SMC6: variants seen among roughly 807,000 people sequenced by gnomAD.
SMC6 encodes structural maintenance of chromosomes 6.
In SMC6, 79 loss-of-function variants were observed where a neutral mutation model predicts 142.2. That is an observed-to-expected ratio of 0.56 (90% CI 0.46 to 0.67). The LOEUF (loss-of-function observed/expected upper bound fraction) is 0.67, where lower values mean the gene tolerates loss of function less well. Ranked by LOEUF, SMC6 falls within the 30% of genes least tolerant of loss-of-function variation. The probability of loss-of-function intolerance (pLI) is 0.00; values close to 1 mark genes in which losing one functional copy is unlikely to be tolerated. For synonymous variants in SMC6, 411 were observed against 412.4 expected (o/e 1.00, Z 0.04); for missense variants, 1,072 against 1,284.0 (o/e 0.83, Z 2.52).
chr2:17,678,997 A>C (rs971266516), intron 24 of SMC6, 33 bp from the exon 25 acceptor site: 13 of 1,472,460 alleles, frequency 8.8e-6, no homozygotes, highest in African/African-American at 2.8e-5. Context: ...CATTAAAAAG[A>C]GGGCAAAGGT....
At chr2:17,670,971 C>T (rs1298002124) in intron 25 of SMC6, among the ~76,000 whole-genome samples, 1 of 152,004 alleles carries the variant, frequency 6.6e-6, no homozygotes, top group African/African-American at 2.4e-5. Flanking sequence ...AAGCAATCCT[C>T]CCACCTCAGC....
rs547634174 is a variant in SMC6 at position 17,752,198 on chromosome 2, C to T, written c.-6+780G>A. On this transcript the variant is annotated intron_variant, in intron 2 of 27. Transcript: ENST00000448223. ...CTCTCTCTCACTCAGATACCAAAAT[C>T]CACAGATGCTCAAGTCCCTTATATG... Among the ~76,000 whole-genome samples the T allele has an allele frequency of 9.9e-5, 15 of 152,270 alleles. No homozygotes were observed. In the South Asian group the frequency reaches 3.1e-3, roughly 32 times the overall value.
chr2:17,696,611 AT>A (rs200146627), intron 21 of SMC6, among the ~76,000 whole-genome samples, 185 bp from the exon 22 acceptor site: 1,984 of 152,306 alleles, frequency 0.013, 22 homozygotes, highest in East Asian at 0.031. Flanking sequence ...TTAAATTCAA[AT>A]TCTTATCTGA....
At chr2:17,695,518 T>C (rs1572280230) in intron 22 of SMC6, among the ~76,000 whole-genome samples, 1 of 152,030 alleles carries the variant, frequency 6.6e-6, no homozygotes, top group East Asian at 1.9e-4. Context: ...TGTGTGTAAC[T>C]AATAAGGTGC....
At chr2:17,714,006 TA>T (rs1457550129) in intron 16 of SMC6, among the ~76,000 whole-genome samples, 6 of 152,216 alleles carry the variant, frequency 3.9e-5, no homozygotes, top group Admixed American at 3.9e-4. Context: ...AAAGAAGGTT[TA>T]TTTTAAAAAG....
rs1365951713 is a variant in SMC6 at position 17,714,911 on chromosome 2, T to G, written c.1680A>C (p.Pro560=). ...TCCGAAACTCAGAAACTATTATCGG[T>G]GGCCGTGAGGTCCCTGGTAAATAAA... ...KRFYLPGTSR[P]PIIVSEFRNE... Residue 560 remains proline (P), a synonymous_variant, in exon 16 of 28, where the codon CCA becomes CCC. Coordinates refer to ENST00000448223, the MANE Select transcript of SMC6 (RefSeq NM_001142286.2). 1 of 1,613,502 alleles carries G rather than the reference T, an allele frequency of 6.2e-7. No individual in the cohort carries two copies. Among genetic ancestry groups the G allele is most frequent in the Admixed American group, 1.7e-5 (1 of 59,774 alleles).
rs773964255 is a variant in SMC6 at position 17,664,456 on chromosome 2, T to C, written c.*1043A>G. 2.6e-5 allele frequency: 4 copies of C among 152,232 alleles called. No homozygotes were observed. The highest frequency in any genetic ancestry group is 5.9e-5 in the Non-Finnish European group (4 of 68,048). 9.4% of individuals were successfully genotyped at this position (152,232 alleles called of 1,614,324 possible). ...GTTCAATTTCATATTTATTCTAATA[T>C]TTATTGCTACTAATGTAAGGAATGC... On this transcript the variant is annotated 3_prime_UTR_variant, in exon 28 of 28. Coordinates refer to ENST00000448223, the MANE Select transcript of SMC6 (RefSeq NM_001142286.2).
At chr2:17,715,101 A>T in intron 15 of SMC6, 36 bp from the exon 16 acceptor site, 1 of 1,586,350 alleles carries the variant, frequency 6.3e-7, no homozygotes, top group Non-Finnish European at 8.6e-7. Flanking sequence ...GGGCTCATAA[A>T]TACTTATTTT....
At chr2:17,666,243 A>G (rs541518065) in intron 27 of SMC6, among the ~76,000 whole-genome samples, 177 bp downstream of exon 27, 8 of 152,370 alleles carry the variant, frequency 5.3e-5, no homozygotes, top group African/African-American at 1.7e-4. Context: ...TAATACAAGT[A>G]AAATTTTAAA....
At chr2:17,710,648 G>T (rs1032943084) in intron 16 of SMC6, among the ~76,000 whole-genome samples, 1 of 152,168 alleles carries the variant, frequency 6.6e-6, no homozygotes, top group African/African-American at 2.4e-5. Flanking sequence ...GTGAAAAAGT[G>T]TTTCAGGAAG....
In SMC6 at chr2:17,717,078, A is replaced by G. The variant is rs1669126404; in HGVS notation, c.1181+10T>C. On this transcript the variant is annotated intron_variant, in intron 13 of 27. Coordinates refer to ENST00000448223, the MANE Select transcript of SMC6 (RefSeq NM_001142286.2). ...GGATAGCCATGAAAATTTCAAAGTA[A>G]CTACCCTACCTTTTTTTCAGCTCTT... 6.2e-7 allele frequency: 1 copy of G among 1,607,072 alleles called. No homozygotes were observed. The highest frequency in any genetic ancestry group is 1.3e-5 in the African/African-American group (1 of 74,530).
intron 20 of SMC6, among the ~76,000 whole-genome samples, chr2:17,701,087 C>T (rs1267910655): frequency 6.7e-6 from 1 of 149,318 alleles, no homozygotes; most frequent in Non-Finnish European, 1.5e-5. Flanking sequence ...TTTAGTCTAT[C>T]AAAAAAAGGA....
At chr2:17,707,170 C>A in intron 18 of SMC6, 49 bp downstream of exon 18, 1 of 1,377,404 alleles carries the variant, frequency 7.3e-7, no homozygotes, top group Admixed American at 2.7e-5. Context: ...AAAATGAACC[C>A]CCAAGGAAGC....
intron 7 of SMC6, among the ~76,000 whole-genome samples, chr2:17,730,260 CA>C (rs1669841679): frequency 6.6e-6 from 1 of 152,056 alleles, no homozygotes; most frequent in South Asian, 2.1e-4. Context: ...TTAATTCAGC[CA>C]AAGTATCTCA....
intron 26 of SMC6, among the ~76,000 whole-genome samples, chr2:17,670,100 A>G (rs1267583610): frequency 6.6e-6 from 1 of 152,226 alleles, no homozygotes; most frequent in Non-Finnish European, 1.5e-5. Context: ...ATTAAAACAA[A>G]AAGTCTGAAC....
chr2:17,668,998 T>G (rs1572239586), intron 26 of SMC6, among the ~76,000 whole-genome samples: 1 of 151,412 alleles, frequency 6.6e-6, no homozygotes, highest in South Asian at 2.1e-4. Context: ...AGCCTGGGAG[T>G]CCGGAGAAGA....
chr2:17,683,459 T>C (rs1165912971), intron 24 of SMC6, among the ~76,000 whole-genome samples, 179 bp downstream of exon 24: 1 of 152,176 alleles, frequency 6.6e-6, no homozygotes, highest in Non-Finnish European at 1.5e-5. Context: ...AAAAGTTGGA[T>C]AAGCTCACCA....
intron 7 of SMC6, among the ~76,000 whole-genome samples, chr2:17,730,274 A>T (rs151324301): frequency 6.6e-6 from 1 of 152,348 alleles, no homozygotes; most frequent in African/African-American, 2.4e-5. Flanking sequence ...GTATCTCAGC[A>T]GAAAGGACTA....
At chr2:17,721,951 G>A (rs956871317) in intron 9 of SMC6, among the ~76,000 whole-genome samples, 1 of 152,076 alleles carries the variant, frequency 6.6e-6, no homozygotes, top group African/African-American at 2.4e-5. Flanking sequence ...ATCAAATACT[G>A]TGATATTCAA....
Sources: gnomAD v4.1 joint callset for allele counts (sites outside exome capture counted in the v4.1 genomes callset) on GRCh38, gnomAD v4.1.1 for gene constraint, MANE v1.5 for transcripts, NCBI Gene and HGNC (gene_info 2026-07-23, HGNC 2026-07-21) for gene names.